Variants in RBMS1 observed in about 807,000 individuals in gnomAD.
The protein encoded by RBMS1 is RNA-binding motif, single-stranded-interacting protein 1.
RBMS1 carries 17 observed loss-of-function variants against 62.3 expected under a neutral mutation model. The ratio of observed to expected loss-of-function variants is 0.27; its 90% CI spans 0.19 to 0.41. The LOEUF (loss-of-function observed/expected upper bound fraction) is 0.41, where lower values mean the gene tolerates loss of function less well. RBMS1 is among the 10% of genes least tolerant of loss of function. The pLI is 1.00. For synonymous variants in RBMS1, 172 were observed against 170.0 expected, an observed-to-expected ratio of 1.01 and a Z score of -0.09; for missense variants, 334 against 504.5, an observed-to-expected ratio of 0.66 and a Z score of 3.24.
chr2:160,362,671 G>C (rs1314889083), intron 2 of RBMS1, among the ~76,000 whole-genome samples: 6 of 152,160 alleles, frequency 3.9e-5, no homozygotes, highest in Admixed American at 3.9e-4. Context: ...CTGAAATATA[G>C]TGAAAATTAC....
intron 1 of RBMS1, among the ~76,000 whole-genome samples, chr2:160,388,779 G>C (rs904517716): frequency 6.6e-6 from 1 of 152,196 alleles, no homozygotes; most frequent in African/African-American, 2.4e-5. Flanking sequence ...CCTGCGATGC[G>C]AGAGGTTTTC....
intron 1 of RBMS1, among the ~76,000 whole-genome samples, chr2:160,401,051 C>T (rs903525300): frequency 6.6e-6 from 1 of 151,742 alleles, no homozygotes; most frequent in Non-Finnish European, 1.5e-5. Context: ...TTGTGGGGGA[C>T]AAGAGAGACT....
intron 1 of RBMS1, among the ~76,000 whole-genome samples, chr2:160,410,967 C>T (rs1253402393): frequency 3.9e-5 from 6 of 152,192 alleles, no homozygotes; most frequent in Non-Finnish European, 7.3e-5. Context: ...TGGTCTCGAT[C>T]TCTTGACCTC....
At chr2:160,395,274 T>C (rs1695074573) in intron 1 of RBMS1, among the ~76,000 whole-genome samples, 2 of 152,334 alleles carry the variant, frequency 1.3e-5, no homozygotes, top group South Asian at 4.1e-4. Context: ...AATCCGTGTA[T>C]CTTAGTAAGC....
chr2:160,303,500 A>G lies in RBMS1; in HGVS notation c.403-13T>C. The G allele has an allele frequency of 6.3e-7, 1 of 1,598,074 alleles. No individual in the cohort carries two copies. Among genetic ancestry groups the G allele is most frequent in the Non-Finnish European group, 8.5e-7 (1 of 1,173,888 alleles). On this transcript the variant is annotated splice_polypyrimidine_tract_variant and intron_variant, in intron 4 of 13. Coordinates refer to ENST00000348849, the MANE Select transcript of RBMS1 (RefSeq NM_016836.4). The stretch of plus-strand genomic sequence containing the variant: ...CTTGTTCCTGTTGCTAAAACAGAAG[A>G]GAGTGTTGTCCATTAATTTCCAACA...
chr2:160,458,234 G>A (rs749501851), intron 1 of RBMS1, among the ~76,000 whole-genome samples: 2 of 152,034 alleles, frequency 1.3e-5, no homozygotes, highest in Non-Finnish European at 2.9e-5. Flanking sequence ...AAAGTGCCGG[G>A]ATTACAGGCA....
chr2:160,488,366 C>G (rs7424023), intron 1 of RBMS1, among the ~76,000 whole-genome samples: 115,351 of 152,052 alleles, frequency 0.76, 44,298 homozygotes, highest in Admixed American at 0.83. Context: ...TCACGAGGTC[C>G]GGAGTTCAAG....
intron 3 of RBMS1, among the ~76,000 whole-genome samples, chr2:160,313,521 G>A (rs865854463): frequency 2.0e-5 from 3 of 151,600 alleles, no homozygotes; most frequent in Admixed American, 6.6e-5. Flanking sequence ...ATTTACTGGT[G>A]GGGGGGAGAC....
rs74743720 is a variant in RBMS1 at position 160,443,223 on chromosome 2, CA to C, written c.75+50065del. ...TGTCTTAAGAAAACAAAAAAAAAAA[CA>C]AAAAAAAAAACCTTGACTTACACAG... On this transcript the variant is annotated intron_variant, in intron 1 of 13. Transcript: ENST00000348849. Among the ~76,000 whole-genome samples, 226 of 135,282 alleles carry C rather than the reference CA, an allele frequency of 1.7e-3. 3 individuals carry two copies. Among genetic ancestry groups the C allele is most frequent in the African/African-American group, 5.5e-3 (203 of 36,808 alleles). 88.8% of individuals were successfully genotyped at this position (135,282 alleles called of 152,430 possible).
chr2:160,288,826 CT>C lies in RBMS1; in HGVS notation c.641-1743del, dbSNP rs566607670. Among the ~76,000 whole-genome samples, 19 of 151,830 alleles carry C rather than the reference CT, an allele frequency of 1.3e-4. 2 individuals carry two copies. The South Asian group carries it at 3.7e-3, about 30-fold the overall frequency. On this transcript the variant is annotated intron_variant, in intron 6 of 13. Coordinates refer to ENST00000348849, the MANE Select transcript of RBMS1 (RefSeq NM_016836.4). ...ACTAGGTCCTAGACTGAAATTTAAC[CT>C]TTTTTTTGTTTTTTTTAAAGAAGTT...
rs772630328 is a variant in RBMS1, at chr2:160,330,695, GA to G, written c.252-12469del. Among the ~76,000 whole-genome samples the G allele has an allele frequency of 3.3e-3, 460 of 138,758 alleles. 1 individual carries two copies. Among genetic ancestry groups the G allele is most frequent in the African/African-American group, 8.3e-3 (316 of 37,934 alleles). The allele number at this position is 138,758 out of a possible 152,430, so 91.0% of individuals were successfully genotyped here. A position where few individuals can be genotyped will look rare whatever the true frequency, so the allele number is the denominator to read the frequency against. On this transcript the variant is annotated intron_variant, in intron 2 of 13. Transcript: ENST00000348849. ...GAATAACTAAAATATAGGTTGCACT[GA>G]AAAAAAAAAAATGAGCCGATCATAG...
chr2:160,483,887 C>CA (rs1489576586), intron 1 of RBMS1, among the ~76,000 whole-genome samples: 4 of 147,074 alleles, frequency 2.7e-5, no homozygotes, highest in African/African-American at 1.0e-4. Flanking sequence ...CTCTTCATCA[C>CA]AGAGTCTGTT....
intron 1 of RBMS1, among the ~76,000 whole-genome samples, chr2:160,428,685 C>T (rs1475138577): frequency 6.6e-6 from 1 of 152,138 alleles, no homozygotes; most frequent in African/African-American, 2.4e-5. Context: ...CTTTTAGCAT[C>T]ACAGAAATGT....
chr2:160,333,858 T>C (rs2105986574), intron 2 of RBMS1, among the ~76,000 whole-genome samples: 1 of 152,238 alleles, frequency 6.6e-6, no homozygotes, highest in East Asian at 1.9e-4. Flanking sequence ...CAAACCCGTT[T>C]TTCTAAAACC....
chr2:160,356,452 G>A (rs770004755), intron 2 of RBMS1, among the ~76,000 whole-genome samples: 2 of 152,076 alleles, frequency 1.3e-5, no homozygotes, highest in Non-Finnish European at 2.9e-5. Flanking sequence ...GGAAGCAAGG[G>A]TGCTGATGAG....
chr2:160,462,949 C>A (rs1684529134), intron 1 of RBMS1, among the ~76,000 whole-genome samples: 1 of 151,916 alleles, frequency 6.6e-6, no homozygotes, highest in Admixed American at 6.6e-5. Context: ...AATGAAACCC[C>A]AAAAAGAATG....
At chr2:160,332,609 C>T (rs1257084764) in intron 2 of RBMS1, among the ~76,000 whole-genome samples, 4 of 152,176 alleles carry the variant, frequency 2.6e-5, no homozygotes, top group African/African-American at 9.6e-5. Context: ...TGCTTCCTCT[C>T]CCGCTTTGTT....
At chr2:160,309,847 T>C (rs549810401) in intron 4 of RBMS1, among the ~76,000 whole-genome samples, 18 of 152,210 alleles carry the variant, frequency 1.2e-4, no homozygotes, top group African/African-American at 4.3e-4. Context: ...GCTTTGGAAA[T>C]AGGAAAGAAA....
chr2:160,470,172 C>T (rs941078175), intron 1 of RBMS1, among the ~76,000 whole-genome samples: 2 of 152,106 alleles, frequency 1.3e-5, no homozygotes, highest in East Asian at 3.9e-4. Context: ...TACTTCCTAG[C>T]GTATGTTAAT....
Sources: gnomAD v4.1 joint callset for allele counts (sites outside exome capture counted in the v4.1 genomes callset) on GRCh38, gnomAD v4.1.1 for gene constraint, MANE v1.5 for transcripts, NCBI Gene and HGNC (gene_info 2026-07-23, HGNC 2026-07-21) for gene names.